The following ZNF611 variants were observed in gnomAD, a reference collection of about 807,000 sequenced individuals.
ZNF611 encodes zinc finger protein 611.
In ZNF611, 6 loss-of-function variants were observed where a neutral mutation model predicts 8.9. The observed-to-expected ratio is 0.68, with a 90% CI of 0.37 to 1.34. The LOEUF (loss-of-function observed/expected upper bound fraction) is 1.34, where lower values mean the gene tolerates loss of function less well. Among genes scored for constraint, ZNF611 ranks in the 40% most tolerant of loss-of-function variants. The probability of loss-of-function intolerance (pLI) is 0.02; values close to 1 mark genes in which losing one functional copy is unlikely to be tolerated. For synonymous variants in ZNF611, 262 were observed against 279.7 expected (o/e 0.94, Z 0.63); for missense variants, 874 against 841.3 (o/e 1.04, Z -0.48).
rs1315511757 is a variant in ZNF611, at chr19:52,718,642, T to A, written c.-19-2729A>T. Among the ~76,000 whole-genome samples, 3 of 148,852 alleles carry A rather than the reference T, an allele frequency of 2.0e-5. No individual in the cohort carries two copies. The East Asian group carries it at 6.3e-4, about 31-fold the overall frequency. On this transcript the variant is annotated intron_variant, in intron 3 of 5. Transcript: ENST00000652185. ...GGAGAAACCCCATCTCTACTAAAAA[T>A]ACAAAATTAGCCGGCCATGGTGGTG...
chr19:52,721,549 T>C (rs139151867), intron 3 of ZNF611, among the ~76,000 whole-genome samples: 5,741 of 152,150 alleles, frequency 0.038, 343 homozygotes, highest in African/African-American at 0.13. Flanking sequence ...CTTGGTGGCT[T>C]GTGACTGCAA....
chr19:52,710,477 G>A (rs1253659149), intron 5 of ZNF611, among the ~76,000 whole-genome samples: 1 of 152,092 alleles, frequency 6.6e-6, no homozygotes, highest in African/African-American at 2.4e-5. Flanking sequence ...TGATCCACCC[G>A]TCTCGGCCTC....
At chr19:52,728,338 A>G (rs942964997) in intron 3 of ZNF611, among the ~76,000 whole-genome samples, 1 of 152,224 alleles carries the variant, frequency 6.6e-6, no homozygotes, top group African/African-American at 2.4e-5. Flanking sequence ...CAGAAGTTCA[A>G]GACCAGCCTG....
chr19:52,708,194 C>G, intron 5 of ZNF611: 1 of 151,968 alleles, frequency 6.6e-6, no homozygotes, highest in Middle Eastern at 3.2e-3. Context: ...TGTATGAGGC[C>G]AAGAAAATAC....
At chr19:52,725,832 C>T (rs1009149618) in intron 3 of ZNF611, among the ~76,000 whole-genome samples, 2 of 152,130 alleles carry the variant, frequency 1.3e-5, no homozygotes, top group South Asian at 2.1e-4. Flanking sequence ...CTGGGTGGGA[C>T]AGAGGCGGGG....
intron 3 of ZNF611, among the ~76,000 whole-genome samples, chr19:52,723,253 C>CTT (rs56217135): frequency 0.018 from 1,869 of 103,144 alleles, 158 homozygotes; most frequent in African/African-American, 0.057. Context: ...CTTATTTAAC[C>CTT]TTTTTTTTTT....
At chr19:52,709,154 T>C (rs1281345018) in intron 5 of ZNF611, among the ~76,000 whole-genome samples, 1 of 152,248 alleles carries the variant, frequency 6.6e-6, no homozygotes, top group African/African-American at 2.4e-5. Context: ...CAATAGGATG[T>C]TCCTGCAGTT....
chr19:52,716,094 C>A lies in ZNF611; in HGVS notation c.-19-181G>T, dbSNP rs541142345. The A allele has an allele frequency of 2.3e-5, 15 of 660,668 alleles. No homozygotes were observed. The East Asian group carries it at 4.0e-4, about 17-fold the overall frequency. The allele number at this position is 660,668 out of a possible 1,614,324, so 40.9% of individuals were successfully genotyped here. A position where few individuals can be genotyped will look rare whatever the true frequency, so the allele number is the denominator to read the frequency against. On this transcript the variant is annotated intron_variant, in intron 3 of 5. Coordinates refer to ENST00000652185, the MANE Select transcript of ZNF611 (RefSeq NM_001161499.2). ...AGACCTATGAGTGTATATTTGACCC[C>A]AGTCTTCAGATCTCACCTCTCTCCT... is the stretch of plus-strand genomic sequence containing the variant.
At chr19:52,727,115 C>T (rs1370547207) in intron 3 of ZNF611, among the ~76,000 whole-genome samples, 1 of 152,100 alleles carries the variant, frequency 6.6e-6, no homozygotes, top group Non-Finnish European at 1.5e-5. Context: ...ATCCGCCTGC[C>T]TTGGCCTCCC....
At chr19:52,723,713 GTC>G (rs1046102921) in intron 3 of ZNF611, 4 of 152,212 alleles carry the variant, frequency 2.6e-5, no homozygotes, top group African/African-American at 9.6e-5. Context: ...ACCAGCCGAG[GTC>G]TCTGAGTTCC....
intron 3 of ZNF611, among the ~76,000 whole-genome samples, chr19:52,717,482 G>A (rs768350200): frequency 6.6e-6 from 1 of 152,272 alleles, no homozygotes; most frequent in South Asian, 2.1e-4. Flanking sequence ...CAGCCTGTGT[G>A]GCTGGAACAG....
Position 52,704,637 on chromosome 19 carries a change from A to T in ZNF611, c.*300T>A. The stretch of plus-strand genomic sequence containing the variant: ...TCTCTTCATTATGGATTCTCCAATG[A>T]TTTGTAATCGTTGTAGCATTACTGA... On this transcript the variant is annotated 3_prime_UTR_variant, in exon 6 of 6. Coordinates refer to ENST00000652185, the MANE Select transcript of ZNF611 (RefSeq NM_001161499.2). 1 of 1,589,828 alleles carries T rather than the reference A, an allele frequency of 6.3e-7. No homozygotes were observed. Among genetic ancestry groups the T allele is most frequent in the Non-Finnish European group, 8.6e-7 (1 of 1,159,058 alleles).
At chr19:52,721,748 A>G (rs1352621953) in intron 3 of ZNF611, among the ~76,000 whole-genome samples, 2 of 151,310 alleles carry the variant, frequency 1.3e-5, no homozygotes, top group Non-Finnish European at 2.9e-5. Context: ...AGAGGGAGAG[A>G]GAGAGGGAGA....
intron 2 of ZNF611, among the ~76,000 whole-genome samples, chr19:52,729,353 C>CATGGT (rs758501925): frequency 3.3e-4 from 50 of 151,848 alleles, no homozygotes; most frequent in Non-Finnish European, 6.0e-4. Context: ...ATTAGCCAGG[C>CATGGT]ATGGTGGCTT....
Position 52,705,098 on chromosome 19 carries a change from T to A in ZNF611, c.1957A>T (p.Thr653Ser). ...CGCACGAAAGCCTTGTCACAAATTGTACATTTGTAAGATTTCTCTCCAGTA... is the reference window on the plus strand; with the variant it reads ...CGCACGAAAGCCTTGTCACAAATTGAACATTTGTAAGATTTCTCTCCAGTA... ...LHTGEKSYKC[T>S]ICDKAFVRNS... The change falls in exon 6 of 6, where the codon ACA (threonine) becomes TCA (serine). Residue 653 changes from threonine (T) to serine (S), a missense_variant. Physicochemically the swap from Thr to Ser is moderately conservative, Grantham distance 58 (BLOSUM62 1). Transcript: ENST00000652185. 6.2e-7 allele frequency: 1 copy of A among 1,614,132 alleles called. No homozygotes were observed. The highest frequency in any genetic ancestry group is 8.5e-7 in the Non-Finnish European group (1 of 1,180,022).
intron 3 of ZNF611, among the ~76,000 whole-genome samples, chr19:52,720,384 T>C (rs1396746870): frequency 2.0e-5 from 3 of 151,418 alleles, no homozygotes; most frequent in African/African-American, 7.3e-5. Flanking sequence ...GCAGAGGCGC[T>C]CCCCACTTCC....
intron 3 of ZNF611, among the ~76,000 whole-genome samples, chr19:52,717,376 G>C (rs1197065740): frequency 6.6e-6 from 1 of 152,198 alleles, no homozygotes; most frequent in Non-Finnish European, 1.5e-5. Context: ...AAGGCTGCTT[G>C]TCACTTGCAG....
intron 1 of ZNF611, 94 bp from the exon 2 acceptor site, chr19:52,730,099 A>G (rs2062416046): frequency 6.6e-6 from 1 of 152,144 alleles, no homozygotes; most frequent in South Asian, 2.1e-4. Context: ...AAAACCATAA[A>G]AAACATGATG....
Position 52,706,176 on chromosome 19 carries a change from G to T in ZNF611, c.879C>A (p.Gly293=), listed in dbSNP as rs774970232. 1 of 1,614,130 alleles carries T rather than the reference G, an allele frequency of 6.2e-7. No individual in the cohort carries two copies. Among genetic ancestry groups the T allele is most frequent in the African/African-American group, 1.3e-5 (1 of 75,044 alleles). The change falls in exon 6 of 6, where the codon GGC becomes GGA. Residue 293 remains glycine (G), a synonymous_variant. Coordinates refer to ENST00000652185, the MANE Select transcript of ZNF611 (RefSeq NM_001161499.2). ...GGGATGACTCCTGACTGAAGGTCTT[G>T]CCACACTCTTTACACTTGTAAGGTT... The part of the protein sequence containing the change: ...VEKPYKCKEC[G]KTFSQESSLT...
Sources: gnomAD v4.1 joint callset for allele counts (sites outside exome capture counted in the v4.1 genomes callset) on GRCh38, gnomAD v4.1.1 for gene constraint, MANE v1.5 for transcripts, NCBI Gene and HGNC (gene_info 2026-07-23, HGNC 2026-07-21) for gene names.